Variants in KSR2 observed in about 807,000 individuals in gnomAD.
The protein encoded by KSR2 is kinase suppressor of ras 2.
A neutral mutation model predicts 107.8 loss-of-function variants in KSR2; 25 were observed. That is an observed-to-expected ratio of 0.23 (90% CI 0.17 to 0.32). The LOEUF (loss-of-function observed/expected upper bound fraction) is 0.32. Among genes scored for constraint, KSR2 ranks in the 10% least tolerant of loss-of-function variants. KSR2 has a pLI of 1.00. For synonymous variants in KSR2, 480 were observed against 507.0 expected (o/e 0.95, Z 0.71); for missense variants, 887 against 1,268.9 (o/e 0.70, Z 4.57).
At chr12:117,633,329 C>A (rs1210924573) in intron 5 of KSR2, among the ~76,000 whole-genome samples, 1 of 152,228 alleles carries the variant, frequency 6.6e-6, no homozygotes, top group Non-Finnish European at 1.5e-5. Flanking sequence ...CCTCCTTCAT[C>A]TTCATGTCTC....
At chr12:117,653,379 G>A (rs1883984025) in intron 5 of KSR2, among the ~76,000 whole-genome samples, 1 of 152,252 alleles carries the variant, frequency 6.6e-6, no homozygotes, top group African/African-American at 2.4e-5. Context: ...AGCTGGCAAG[G>A]CCAGCAATAT....
chr12:117,761,606 T>C (rs1889027140), intron 3 of KSR2, 82 bp from the exon 4 acceptor site: 1 of 1,253,702 alleles, frequency 8.0e-7, no homozygotes. Context: ...CATTACATCA[T>C]ACACACATTA....
chr12:117,652,060 T>C lies in KSR2; in HGVS notation c.1171+15414A>G, dbSNP rs991549388. On this transcript the variant is annotated intron_variant, in intron 5 of 19. Transcript: ENST00000339824. ...GACTCTAAGTGAAGTAACTCAGGAA[T>C]GGAAAACCAAACATTGTATGTTCTC... Among the ~76,000 whole-genome samples, 5 of 152,238 alleles carry C rather than the reference T, an allele frequency of 3.3e-5. No homozygotes were observed. In the East Asian group the frequency reaches 9.7e-4, roughly 29 times the overall value.
In KSR2 at chr12:117,484,674, C is replaced by A. The variant is rs931478306; in HGVS notation, c.2317-125G>T. The A allele has an allele frequency of 1.3e-5, 12 of 954,218 alleles. No homozygotes were observed. In the Admixed American group the frequency reaches 2.1e-4, roughly 17 times the overall value. The allele number at this position is 954,218 out of a possible 1,614,324, so 59.1% of individuals were successfully genotyped here. On this transcript the variant is annotated intron_variant, in intron 15 of 19. Coordinates refer to ENST00000339824, the MANE Select transcript of KSR2 (RefSeq NM_173598.6). ...CTAATGGGACCACACTCAACAGAGG[C>A]AGGGCCTGGGGTCTGACCGTGGGTC...
At chr12:117,893,957 T>C (rs1479497774) in intron 1 of KSR2, among the ~76,000 whole-genome samples, 2 of 145,910 alleles carry the variant, frequency 1.4e-5, no homozygotes, top group Non-Finnish European at 3.0e-5. Context: ...TCGCCCAGGC[T>C]AGAATGCAGT....
chr12:117,762,643 T>C (rs372554151), intron 3 of KSR2, among the ~76,000 whole-genome samples: 1 of 152,158 alleles, frequency 6.6e-6, no homozygotes, highest in African/African-American at 2.4e-5. Flanking sequence ...GATGGGCAGA[T>C]TACTTGAGGT....
In KSR2 at chr12:117,614,762, G is replaced by A. The variant is rs182391713; in HGVS notation, c.1172-32403C>T. Among the ~76,000 whole-genome samples the A allele has an allele frequency of 1.3e-3, 202 of 152,250 alleles. 2 individuals are homozygous for A. The highest frequency in any genetic ancestry group is 1.0e-3 in the Non-Finnish European group (68 of 68,016). ...TTTACGCCTGTGAAATAATTTTGAC[G>A]ATTGTTCATAAGTGTTTAACTAATG... On this transcript the variant is annotated intron_variant, in intron 5 of 19. Coordinates refer to ENST00000339824, the MANE Select transcript of KSR2 (RefSeq NM_173598.6).
chr12:117,910,181 T>C (rs1173177634), intron 1 of KSR2, among the ~76,000 whole-genome samples: 6 of 152,002 alleles, frequency 3.9e-5, no homozygotes, highest in Non-Finnish European at 7.4e-5. Context: ...CAGCGAGCCA[T>C]GATCACACCA....
chr12:117,478,978 C>T (rs1364926058), intron 16 of KSR2, among the ~76,000 whole-genome samples: 1 of 152,190 alleles, frequency 6.6e-6, no homozygotes, highest in Non-Finnish European at 1.5e-5. Context: ...TCCTCCCCCA[C>T]ATCAACTTGC....
At chr12:117,693,269 G>T (rs1885907663) in intron 4 of KSR2, among the ~76,000 whole-genome samples, 1 of 151,990 alleles carries the variant, frequency 6.6e-6, no homozygotes, top group African/African-American at 2.4e-5. Flanking sequence ...AAATACCAAG[G>T]GTCTGTTGGC....
At chr12:117,641,535 C>CATCT (rs1883357602) in intron 5 of KSR2, among the ~76,000 whole-genome samples, 1 of 152,140 alleles carries the variant, frequency 6.6e-6, no homozygotes, top group East Asian at 1.9e-4. Context: ...TCTCCCTGTG[C>CATCT]ATCTCTGTGT....
intron 16 of KSR2, among the ~76,000 whole-genome samples, chr12:117,477,794 T>C (rs1871883653): frequency 6.6e-6 from 1 of 152,244 alleles, no homozygotes; most frequent in African/African-American, 2.4e-5. Flanking sequence ...AACTCCTTGC[T>C]GTTGGGCCTT....
chr12:117,855,714 G>C (rs1336618005), intron 2 of KSR2, 136 bp from the exon 3 acceptor site: 1 of 845,384 alleles, frequency 1.2e-6, no homozygotes. Flanking sequence ...TCCGAATCTC[G>C]GGTTTGCCAC....
intron 7 of KSR2, among the ~76,000 whole-genome samples, chr12:117,571,383 A>G (rs1593005208): frequency 1.3e-5 from 2 of 152,288 alleles, no homozygotes; most frequent in East Asian, 3.9e-4. Flanking sequence ...TTTCTGCAGG[A>G]AAAACTGTAC....
At chr12:117,598,963 T>C (rs1028566856) in intron 5 of KSR2, among the ~76,000 whole-genome samples, 14 of 152,118 alleles carry the variant, frequency 9.2e-5, no homozygotes, top group Non-Finnish European at 2.1e-4. Flanking sequence ...CGACCTTTCC[T>C]GGAAATAAAC....
At chr12:117,877,792 A>C (rs1253188142) in intron 1 of KSR2, among the ~76,000 whole-genome samples, 1 of 152,072 alleles carries the variant, frequency 6.6e-6, no homozygotes, top group Non-Finnish European at 1.5e-5. Context: ...TCACCTGGGG[A>C]GCTTGTTAAA....
intron 3 of KSR2, among the ~76,000 whole-genome samples, chr12:117,794,187 C>A (rs1280124319): frequency 8.0e-6 from 1 of 124,636 alleles, no homozygotes; most frequent in African/African-American, 3.2e-5. Context: ...CACCAACATG[C>A]ACACACACCA....
chr12:117,803,901 A>T (rs1263768870), intron 3 of KSR2, among the ~76,000 whole-genome samples: 1 of 152,276 alleles, frequency 6.6e-6, no homozygotes, highest in East Asian at 1.9e-4. Flanking sequence ...ATAGTGGTTG[A>T]AACTGGCAGA....
chr12:117,914,386 G>A (rs1159343897), intron 1 of KSR2, among the ~76,000 whole-genome samples: 4 of 145,474 alleles, frequency 2.7e-5, no homozygotes, highest in Non-Finnish European at 4.5e-5. Context: ...TCGAAATCAC[G>A]CCACTGCACT....
Sources: gnomAD v4.1 joint callset for allele counts (sites outside exome capture counted in the v4.1 genomes callset) on GRCh38, gnomAD v4.1.1 for gene constraint, MANE v1.5 for transcripts, NCBI Gene and HGNC (gene_info 2026-07-23, HGNC 2026-07-21) for gene names.